PABPC4L: variants seen among roughly 807,000 people sequenced by gnomAD.
The protein encoded by PABPC4L is polyadenylate-binding protein 4-like.
For missense variants in PABPC4L, 452 were observed against 451.4 expected (o/e 1.00, Z -0.01); for synonymous variants, 169 against 164.1 (o/e 1.03, Z -0.23).
the PABPC4L span, among the ~76,000 whole-genome samples, chr4:134,112,569 A>ACTAT: frequency 0.13 from 19,378 of 147,832 alleles, 1,309 homozygotes; most frequent in Non-Finnish European, 0.14. Context: ...GCTCCACGTA[A>ACTAT]CTATCTATCT....
chr4:134,081,758 A>G, the PABPC4L span, among the ~76,000 whole-genome samples: 285 of 152,226 alleles, frequency 1.9e-3, no homozygotes, highest in Non-Finnish European at 3.7e-3. Flanking sequence ...CAACTAACCA[A>G]AAAAACACAA....
the PABPC4L span, among the ~76,000 whole-genome samples, chr4:134,054,246 GTATATGTATATATATATATATATA>G: frequency 4.1e-5 from 3 of 74,064 alleles, no homozygotes; most frequent in African/African-American, 5.8e-5. Flanking sequence ...TACTTTAGTT[GTATATGTATATATATATATATATA>G]TATATATATA....
the PABPC4L span, among the ~76,000 whole-genome samples, chr4:134,104,375 G>A: frequency 6.6e-6 from 1 of 151,746 alleles, no homozygotes; most frequent in Non-Finnish European, 1.5e-5. Context: ...TTCTTGAGCA[G>A]CAAAGTTGGT....
chr4:134,005,046 C>G, the PABPC4L span, among the ~76,000 whole-genome samples: 1 of 151,752 alleles, frequency 6.6e-6, no homozygotes, highest in Non-Finnish European at 1.5e-5. Context: ...ATCTATTGTA[C>G]AGCATGGTGA....
At chr4:133,977,436 T>C in the PABPC4L span, among the ~76,000 whole-genome samples, 2 of 152,152 alleles carry the variant, frequency 1.3e-5, no homozygotes, top group Non-Finnish European at 2.9e-5. Context: ...ATAGTTTTTT[T>C]CTAATTCTGT....
chr4:134,082,085 A>G, the PABPC4L span, among the ~76,000 whole-genome samples: 2 of 152,308 alleles, frequency 1.3e-5, no homozygotes, highest in African/African-American at 4.8e-5. Context: ...GTTCAGCGGC[A>G]TCATTCACTT....
At position 134,200,919 on chromosome 4, in the gene PABPC4L, C is replaced by A; in HGVS notation, c.101G>T (p.Gly34Val). Reference sequence around the variant, plus strand: ...GCAAATGCGGATGGACAGCACAGGCCCCACAGTGCTGAACTTCCTGAACAG... The same window carrying A: ...GCAAATGCGGATGGACAGCACAGGCACCACAGTGCTGAACTTCCTGAACAG... Reference protein sequence around the residue: ...DLLFRKFSTVGPVLSIRICRD... With the variant: ...DLLFRKFSTVVPVLSIRICRD... Residue 34 changes from glycine (G) to valine (V), a missense_variant, in exon 2 of 2, where the codon GGG becomes GTG. Transcript: ENST00000421491. 1 of 1,560,808 alleles carries A rather than the reference C, an allele frequency of 6.4e-7. No homozygotes were observed. The highest frequency in any genetic ancestry group is 8.7e-7 in the Non-Finnish European group (1 of 1,152,172).
the PABPC4L span, among the ~76,000 whole-genome samples, chr4:134,064,206 C>T: frequency 6.6e-6 from 1 of 151,852 alleles, no homozygotes; most frequent in African/African-American, 2.4e-5. Context: ...TAGAAGTTGC[C>T]CTTGTTTCCA....
chr4:134,069,567 G>A, the PABPC4L span, among the ~76,000 whole-genome samples: 1 of 152,012 alleles, frequency 6.6e-6, no homozygotes, highest in Non-Finnish European at 1.5e-5. Flanking sequence ...TGAAGAACTG[G>A]TCTTTAAGCT....
At chr4:134,078,339 G>T in the PABPC4L span, among the ~76,000 whole-genome samples, 1 of 152,084 alleles carries the variant, frequency 6.6e-6, no homozygotes, top group Non-Finnish European at 1.5e-5. Flanking sequence ...TTCTTTTCTG[G>T]TTAATATCAC....
At chr4:134,091,632 G>A in the PABPC4L span, among the ~76,000 whole-genome samples, 3 of 151,582 alleles carry the variant, frequency 2.0e-5, no homozygotes, top group Non-Finnish European at 2.9e-5. Flanking sequence ...AACTAAGATA[G>A]ATAGACAGAT....
At chr4:133,966,724 G>A in the PABPC4L span, among the ~76,000 whole-genome samples, 2 of 151,986 alleles carry the variant, frequency 1.3e-5, no homozygotes, top group Non-Finnish European at 2.9e-5. Context: ...ACCAAACATC[G>A]TATGTTCTCA....
the PABPC4L span, among the ~76,000 whole-genome samples, chr4:134,033,430 T>C: frequency 6.6e-6 from 1 of 151,848 alleles, no homozygotes; most frequent in Non-Finnish European, 1.5e-5. Context: ...TGCATATATT[T>C]CACTTTAAAC....
downstream of PABPC4L, among the ~76,000 whole-genome samples, chr4:134,195,214 T>C (rs564309083): frequency 1.3e-5 from 2 of 151,896 alleles, no homozygotes; most frequent in East Asian, 3.9e-4. Flanking sequence ...TTGAGGCATG[T>C]CTTTGATTAA....
chr4:134,086,764 C>A, the PABPC4L span, among the ~76,000 whole-genome samples: 1 of 120,930 alleles, frequency 8.3e-6, no homozygotes, highest in Non-Finnish European at 1.8e-5. Flanking sequence ...CTATTTATTT[C>A]TTTTTCTTTG....
At chr4:133,981,029 C>T in the PABPC4L span, among the ~76,000 whole-genome samples, 1 of 152,072 alleles carries the variant, frequency 6.6e-6, no homozygotes, top group Non-Finnish European at 1.5e-5. Context: ...GGTGTAGTGG[C>T]ACACGCCTGT....
At position 134,199,758 on chromosome 4, in the gene PABPC4L, C is replaced by A; in HGVS notation, c.*149G>T. 1 of 1,031,724 alleles carries A rather than the reference C, an allele frequency of 9.7e-7. No homozygotes were observed. The allele number at this position is 1,031,724 out of a possible 1,614,324, so 63.9% of individuals were successfully genotyped here. On this transcript the variant is annotated 3_prime_UTR_variant, in exon 2 of 2. Coordinates refer to ENST00000421491, the MANE Select transcript of PABPC4L (RefSeq NM_001114734.2). ...TTTTTCCACAAAAGAAAAAAAATGG[C>A]TTTGTATAAAAAACGTTTTATCATA...
the PABPC4L span, among the ~76,000 whole-genome samples, chr4:134,151,404 T>C: frequency 6.6e-3 from 1,011 of 152,186 alleles, 10 homozygotes; most frequent in African/African-American, 0.023. Flanking sequence ...TAAATTTTTG[T>C]TGGTGTTGTT....
chr4:134,090,253 G>A, the PABPC4L span, among the ~76,000 whole-genome samples: 1 of 152,122 alleles, frequency 6.6e-6, no homozygotes, highest in South Asian at 2.1e-4. Flanking sequence ...ACAATTGCCT[G>A]AATAAATAAT....
Sources: gnomAD v4.1 joint callset for allele counts (sites outside exome capture counted in the v4.1 genomes callset) on GRCh38, gnomAD v4.1.1 for gene constraint, MANE v1.5 for transcripts, NCBI Gene and HGNC (gene_info 2026-07-23, HGNC 2026-07-21) for gene names.